Variants in ZFHX3 observed in about 807,000 individuals in gnomAD.
The protein encoded by ZFHX3 is zinc finger homeobox protein 3.
Under a neutral mutation model 279.1 loss-of-function variants are expected in ZFHX3, and 42 were observed. That is an observed-to-expected ratio of 0.15 (90% CI 0.12 to 0.19). The LOEUF (loss-of-function observed/expected upper bound fraction) is 0.19. Ranked by LOEUF, ZFHX3 falls within the 10% of genes least tolerant of loss-of-function variation. ZFHX3 has a pLI of 1.00. For synonymous variants in ZFHX3, 2,293 were observed against 1,957.8 expected (o/e 1.17, Z -4.52); for missense variants, 4,981 against 4,754.0 (o/e 1.05, Z -1.40).
In ZFHX3 at chr16:72,788,210, A is replaced by C; in HGVS notation, c.10066T>G (p.Ser3356Ala). The change falls in exon 10 of 10, where the codon TCC (serine) becomes GCC (alanine). Residue 3356 changes from serine to alanine, a missense_variant. Coordinates refer to ENST00000268489, the MANE Select transcript of ZFHX3 (RefSeq NM_006885.4). ...TACTGCTGCAGTAGGGAGCCTGGGGACAGCCCCATCAGGGCCTGCGACAGT... is the reference window on the plus strand; with the variant it reads ...TACTGCTGCAGTAGGGAGCCTGGGGCCAGCCCCATCAGGGCCTGCGACAGT... ...PALSQALMGLSPGSLLQQYQQ... is the reference protein window; with the variant it reads ...PALSQALMGLAPGSLLQQYQQ... The C allele has an allele frequency of 6.2e-7, 1 of 1,612,978 alleles. No individual in the cohort carries two copies. The highest frequency in any genetic ancestry group is 1.7e-5 in the Admixed American group (1 of 59,988).
chr16:73,797,494 C>T (rs1194785091), intron 1 of ZFHX3, among the ~76,000 whole-genome samples: 4 of 152,170 alleles, frequency 2.6e-5, no homozygotes, highest in African/African-American at 9.7e-5. Flanking sequence ...ATGCAAAAAG[C>T]CAGTTCCGCA....
intron 4 of ZFHX3, among the ~76,000 whole-genome samples, chr16:72,882,760 T>C (rs1487430034): frequency 6.6e-6 from 1 of 152,158 alleles, no homozygotes; most frequent in Non-Finnish European, 1.5e-5. Flanking sequence ...CCTTAATTAC[T>C]CAGTTCAACA....
At chr16:73,545,124 G>A (rs996889105) in intron 2 of ZFHX3, among the ~76,000 whole-genome samples, 4 of 151,816 alleles carry the variant, frequency 2.6e-5, no homozygotes, top group Admixed American at 2.6e-4. Flanking sequence ...GAGGCCCCTC[G>A]GAAGCTAAAG....
intron 1 of ZFHX3, among the ~76,000 whole-genome samples, chr16:73,056,743 TA>T (rs1597140343): frequency 6.6e-6 from 1 of 152,154 alleles, no homozygotes; most frequent in African/African-American, 2.4e-5. Flanking sequence ...TAAATGTAGG[TA>T]CACGATTGCA....
At chr16:73,459,428 T>G (rs1006544887) in intron 2 of ZFHX3, among the ~76,000 whole-genome samples, 2 of 152,196 alleles carry the variant, frequency 1.3e-5, no homozygotes, top group Non-Finnish European at 2.9e-5. Context: ...AGTAGCACTA[T>G]CTTGGCTGAC....
At chr16:73,772,512 G>C (rs2054029845) in intron 1 of ZFHX3, among the ~76,000 whole-genome samples, 1 of 152,142 alleles carries the variant, frequency 6.6e-6, no homozygotes, top group Non-Finnish European at 1.5e-5. Context: ...GATTTAGGTG[G>C]GGACACAGCC....
rs144280438 is a variant in ZFHX3 at position 73,221,372 on chromosome 16, T to A, written c.-1104+35675A>T. ...AATATAAAGATATATTTTATTGTTA[T>A]AGATTATTTATACTTGAGTATATAT... On this transcript the variant is annotated intron_variant, in intron 5 of 17. Coordinates refer to the ZFHX3 transcript ENST00000641206. 3.7e-3 allele frequency among the ~76,000 whole-genome samples: 563 copies of A among 152,272 alleles called. 9 individuals are homozygous for A. The highest frequency in any genetic ancestry group is 1.2e-3 in the Non-Finnish European group (85 of 68,026).
chr16:73,621,140 C>T (rs1053959287), intron 2 of ZFHX3, among the ~76,000 whole-genome samples: 1 of 152,208 alleles, frequency 6.6e-6, no homozygotes, highest in Non-Finnish European at 1.5e-5. Context: ...ATCCTACTGT[C>T]ATAACATGTG....
At chr16:73,398,060 G>C (rs879400264) in intron 3 of ZFHX3, among the ~76,000 whole-genome samples, 1 of 152,154 alleles carries the variant, frequency 6.6e-6, no homozygotes, top group African/African-American at 2.4e-5. Flanking sequence ...GGCCAGGCTT[G>C]ACTTGAACTC....
intron 8 of ZFHX3, among the ~76,000 whole-genome samples, chr16:73,073,606 C>A (rs1224580252): frequency 2.0e-5 from 3 of 152,188 alleles, no homozygotes; most frequent in African/African-American, 7.2e-5. Context: ...TCAAGTGATT[C>A]TCCTGCCTCA....
At position 72,958,248 on chromosome 16, in the gene ZFHX3, T is replaced by C. The variant is rs762441007; in HGVS notation, c.1898A>G (p.Glu633Gly). 2 of 1,613,178 alleles carry C rather than the reference T, an allele frequency of 1.2e-6. No homozygotes were observed. Among genetic ancestry groups the C allele is most frequent in the African/African-American group, 2.7e-5 (2 of 75,018 alleles). Residue 633 changes from glutamate to glycine, a missense_variant, in exon 2 of 10, where the codon GAG (glutamate) becomes GGG (glycine). By Grantham distance (98) the Glu-to-Gly change is moderately conservative (BLOSUM62 -2). Around this residue, in one of 7 missense-constraint regions of ZFHX3, gnomAD observed 1,068 missense variants for 935.2 expected, o/e 1.14. Transcript: ENST00000268489. ...CTCCACGCCACTCCCCGAGGGGCACTCCCCAACCCCAAGCTCGCAGAGGGA... is the reference window on the plus strand; with the variant it reads ...CTCCACGCCACTCCCCGAGGGGCACCCCCCAACCCCAAGCTCGCAGAGGGA... ...AGSLCELGVGECPSGSGVECP... is the reference protein window; with the variant it reads ...AGSLCELGVGGCPSGSGVECP...
intron 4 of ZFHX3, among the ~76,000 whole-genome samples, chr16:72,840,919 CAGCTTGAGGCA>C (rs2037329987): frequency 2.0e-5 from 3 of 152,226 alleles, no homozygotes; most frequent in Admixed American, 2.0e-4. Flanking sequence ...GAAATCAGGC[CAGCTTGAGGCA>C]ATGCTGCACC....
At chr16:73,315,245 A>T (rs1172637402) in intron 4 of ZFHX3, among the ~76,000 whole-genome samples, 1 of 151,782 alleles carries the variant, frequency 6.6e-6, no homozygotes, top group East Asian at 1.9e-4. Flanking sequence ...AAAAAAGAGC[A>T]TTTAATATAG....
intron 3 of ZFHX3, among the ~76,000 whole-genome samples, chr16:73,450,626 C>T (rs966642774): frequency 3.9e-5 from 6 of 152,188 alleles, no homozygotes; most frequent in African/African-American, 9.7e-5. Flanking sequence ...GAAGAGCTAG[C>T]CTCTTGGAAA....
intron 3 of ZFHX3, among the ~76,000 whole-genome samples, chr16:72,900,656 C>G (rs1449097369): frequency 1.3e-5 from 2 of 152,194 alleles, no homozygotes; most frequent in Non-Finnish European, 2.9e-5. Context: ...CAGTGGTTCT[C>G]TAACTTGAGC....
chr16:73,615,194 AG>A (rs2052287665), intron 2 of ZFHX3, among the ~76,000 whole-genome samples: 1 of 151,708 alleles, frequency 6.6e-6, no homozygotes. Flanking sequence ...GCAGGAGTTT[AG>A]CCTAGAAGAA....
chr16:73,763,690 A>G (rs2142284529), intron 1 of ZFHX3, among the ~76,000 whole-genome samples: 1 of 152,240 alleles, frequency 6.6e-6, no homozygotes, highest in East Asian at 1.9e-4. Context: ...AGAATATAGC[A>G]ATGGTGACAA....
At chr16:73,538,133 C>T (rs570411229) in intron 2 of ZFHX3, among the ~76,000 whole-genome samples, 3 of 152,144 alleles carry the variant, frequency 2.0e-5, no homozygotes, top group Admixed American at 6.5e-5. Context: ...CAAGTCATCA[C>T]GCAGCACCTC....
chr16:72,912,503 G>A (rs1356980329), intron 3 of ZFHX3, among the ~76,000 whole-genome samples: 1 of 152,128 alleles, frequency 6.6e-6, no homozygotes, highest in African/African-American at 2.4e-5. Context: ...TTGCAGGAAA[G>A]CTAAAAGGTT....
Sources: gnomAD v4.1 joint callset for allele counts (sites outside exome capture counted in the v4.1 genomes callset) on GRCh38, gnomAD v4.1.1 for gene constraint, gnomAD v4.1.1 regional missense constraint, MANE v1.5 for transcripts, NCBI Gene and HGNC (gene_info 2026-07-23, HGNC 2026-07-21) for gene names.